Variants in IRS1 observed in about 807,000 individuals in gnomAD.
IRS1 encodes insulin receptor substrate 1.
Under a neutral mutation model 65.6 loss-of-function variants are expected in IRS1, and 34 were observed. The observed-to-expected ratio is 0.52, with a 90% CI of 0.39 to 0.69. The LOEUF (loss-of-function observed/expected upper bound fraction) is 0.69, where lower values mean the gene tolerates loss of function less well. IRS1 is among the 30% of genes least tolerant of loss of function. The pLI is 0.00. For synonymous variants in IRS1, 699 were observed against 683.5 expected (o/e 1.02, Z -0.35); for missense variants, 1,641 against 1,720.2 (o/e 0.95, Z 0.81).
In IRS1 at chr2:226,795,392, G is replaced by C. The variant is rs773839567; in HGVS notation, c.3347C>G (p.Thr1116Arg). The C allele has an allele frequency of 6.2e-7, 1 of 1,613,362 alleles. No individual in the cohort carries two copies. Among genetic ancestry groups the C allele is most frequent in the Non-Finnish European group, 8.5e-7 (1 of 1,179,996 alleles). ...STPSATRVGN[T>R]VPFGAGAAVG... ...TGCTGCCCCCGCTCCAAAGGGCACTGTGTTGCCCACCCGGGTGGCACTGGG... is the reference window on the plus strand; with the variant it reads ...TGCTGCCCCCGCTCCAAAGGGCACTCTGTTGCCCACCCGGGTGGCACTGGG... The change falls in exon 1 of 2, where the codon ACA becomes AGA. Residue 1116 changes from threonine (T) to arginine (R), a missense_variant. By Grantham distance (71) the Thr-to-Arg change is moderately conservative. This residue lies in a region of IRS1 where 1,324 missense variants were observed against 1,361.0 expected (regional missense o/e 0.97). Transcript: ENST00000305123.
intron 1 of IRS1, among the ~76,000 whole-genome samples, chr2:226,751,274 ATT>A (rs35699614): frequency 0.018 from 1,405 of 77,322 alleles, 4 homozygotes; most frequent in African/African-American, 0.032. Flanking sequence ...CCACACGGGT[ATT>A]TTTTTTTTTT....
At position 226,796,385 on chromosome 2, in the gene IRS1, C is replaced by T. The variant is rs768273402; in HGVS notation, c.2354G>A (p.Arg785Gln). The T allele has an allele frequency of 9.3e-6, 15 of 1,613,170 alleles. No homozygotes were observed. In the Admixed American group the frequency reaches 1.0e-4, roughly 11 times the overall value. ...AGTGGAAAGGCGGAGGTGCTGATGC[C>T]GGGCACCCTCCTCCGGCTCCCCGGG... ...QRPGEPEEGA[R>Q]HQHLRLSTSS... is the part of the protein sequence containing the mutation. Residue 785 changes from arginine (R) to glutamine (Q), a missense_variant, in exon 1 of 2, where the codon CGG becomes CAG. Arg to Gln is a conservative substitution (Grantham distance 43). Coordinates refer to ENST00000305123, the MANE Select transcript of IRS1 (RefSeq NM_005544.3).
At position 226,798,373 on chromosome 2, in the gene IRS1, G is replaced by C. The variant is rs566380529; in HGVS notation, c.366C>G (p.Asp122Glu). 6.2e-7 allele frequency: 1 copy of C among 1,613,854 alleles called. No homozygotes were observed. Among genetic ancestry groups the C allele is most frequent in the East Asian group, 2.2e-5 (1 of 44,876 alleles). Residue 122 changes from aspartate (D) to glutamate (E), a missense_variant, in exon 1 of 2, where the codon GAC becomes GAG. This residue lies in a region of IRS1 where 240 missense variants were observed against 229.6 expected (regional missense o/e 1.05). Transcript: ENST00000305123. This position sits in a 1 kb window ranked among gnomAD's most constrained non-coding sequence, Gnocchi z 9.4. ...QLHNRAKGHH[D>E]GAAALGAGGG... is the part of the protein sequence containing the mutation. ...CTCCCGCCCCGAGGGCCGCAGCTCCGTCGTGGTGGCCCTTAGCACGGTTGT... is the reference window on the plus strand; with the variant it reads ...CTCCCGCCCCGAGGGCCGCAGCTCCCTCGTGGTGGCCCTTAGCACGGTTGT...
rs569377676 is a variant in IRS1 at position 226,732,200 on chromosome 2, A to G, written c.*4072T>C. ...GCTCTGTTTACAAGTAGTGGGAGAC[A>G]CACAACAGGCTACATATTCTCTACC... On this transcript the variant is annotated 3_prime_UTR_variant, in exon 2 of 2. Coordinates refer to ENST00000305123, the MANE Select transcript of IRS1 (RefSeq NM_005544.3). 3.3e-5 allele frequency: 5 copies of G among 152,252 alleles called. No individual in the cohort carries two copies. The South Asian group carries it at 1.0e-3, about 32-fold the overall frequency. 9.4% of individuals were successfully genotyped at this position (152,252 alleles called of 1,614,324 possible). A position where few individuals can be genotyped will look rare whatever the true frequency, so the allele number is the denominator to read the frequency against.
chr2:226,762,053 G>T (rs1364291976), intron 1 of IRS1, among the ~76,000 whole-genome samples: 1 of 152,164 alleles, frequency 6.6e-6, no homozygotes, highest in Non-Finnish European at 1.5e-5. Flanking sequence ...CATAGCCCTT[G>T]CTCATTACAG....
intron 1 of IRS1, among the ~76,000 whole-genome samples, chr2:226,744,419 A>G (rs1938497727): frequency 6.6e-6 from 1 of 152,110 alleles, no homozygotes; most frequent in Admixed American, 6.5e-5. Flanking sequence ...GCCACTCCCA[A>G]TAGTTTCTAA....
chr2:226,766,143 A>T (rs1559151951), intron 1 of IRS1, among the ~76,000 whole-genome samples: 11 of 3,656 alleles, frequency 3.0e-3, no homozygotes, highest in Admixed American at 4.8e-3. Flanking sequence ...ATATATATAT[A>T]TATATATATA....
intron 1 of IRS1, among the ~76,000 whole-genome samples, chr2:226,753,027 A>G (rs952209501): frequency 2.6e-5 from 4 of 152,228 alleles, no homozygotes; most frequent in Admixed American, 1.3e-4. Flanking sequence ...CACTCTATCC[A>G]GTAGCAAGAA....
In IRS1 at chr2:226,795,255, C is replaced by G. The variant is rs763355412; in HGVS notation, c.3484G>C (p.Glu1162Gln). 1.2e-5 allele frequency: 19 copies of G among 1,613,932 alleles called. No homozygotes were observed. Among genetic ancestry groups the G allele is most frequent in the Non-Finnish European group, 1.6e-5 (19 of 1,179,984 alleles). The change falls in exon 1 of 2, where the codon GAG becomes CAG. Residue 1162 changes from glutamate (E) to glutamine (Q), a missense_variant. Physicochemically the swap from Glu to Gln is conservative, Grantham distance 29 (BLOSUM62 2). This residue lies in a region of IRS1 where 1,324 missense variants were observed against 1,361.0 expected (regional missense o/e 0.97). Transcript: ENST00000305123. The part of the protein sequence containing the change: ...RPGELGGAPK[E>Q]PAKLCGAAGG... ...GCAGCCCCACACAGTTTGGCTGGCTCCTTGGGGGCTCCCCCAAGCTCCCCA... is the reference window on the plus strand; with the variant it reads ...GCAGCCCCACACAGTTTGGCTGGCTGCTTGGGGGCTCCCCCAAGCTCCCCA...
rs1340250992 is a variant in IRS1, at chr2:226,799,637, C to A, written c.-899G>T. Reference sequence around the variant, plus strand: ...ACGCCTGTTCCTCGGGAGGCGCTGCCGCTGCAGTTACTTCTCCCCTCCTCC... The same window carrying A: ...ACGCCTGTTCCTCGGGAGGCGCTGCAGCTGCAGTTACTTCTCCCCTCCTCC... On this transcript the variant is annotated 5_prime_UTR_variant, in exon 1 of 2. Transcript: ENST00000305123. This position sits in a 1 kb window ranked among gnomAD's most constrained non-coding sequence, Gnocchi z 6.1. 14 of 1,002,654 alleles carry A rather than the reference C, an allele frequency of 1.4e-5. No individual in the cohort carries two copies. The highest frequency in any genetic ancestry group is 1.6e-5 in the Non-Finnish European group (13 of 831,924). 62.1% of individuals were successfully genotyped at this position (1,002,654 alleles called of 1,614,324 possible).
rs985848949 is a variant in IRS1, at chr2:226,735,203, T to C, written c.*1069A>G. The C allele has an allele frequency of 1.3e-5, 2 of 151,582 alleles. No individual in the cohort carries two copies. The highest frequency in any genetic ancestry group is 3.9e-4 in the East Asian group (2 of 5,188). 9.4% of individuals were successfully genotyped at this position (151,582 alleles called of 1,614,324 possible). ...TAGAGCAGGAAACTTACAGAAGTGG[T>C]GGGGGGAGGGGACAGAAGAAAAGAT... On this transcript the variant is annotated 3_prime_UTR_variant, in exon 2 of 2. Transcript: ENST00000305123.
chr2:226,799,231 G>C lies in IRS1; in HGVS notation c.-493C>G. 9.0e-7 allele frequency: 1 copy of C among 1,116,788 alleles called. No individual in the cohort carries two copies. Among genetic ancestry groups the C allele is most frequent in the Non-Finnish European group, 1.1e-6 (1 of 896,812 alleles). The allele number at this position is 1,116,788 out of a possible 1,614,324, so 69.2% of individuals were successfully genotyped here. On this transcript the variant is annotated 5_prime_UTR_variant, in exon 1 of 2. Coordinates refer to ENST00000305123, the MANE Select transcript of IRS1 (RefSeq NM_005544.3). The surrounding 1 kb of genome is among the most constrained non-coding windows in gnomAD (Gnocchi z 6.1). ...AAATATCCTTGGGCAGGGGGAGGCG[G>C]GTTGCCAAGTCCCAACGTTGCACGG...
At chr2:226,789,961 C>T (rs1421120538) in intron 1 of IRS1, among the ~76,000 whole-genome samples, 1 of 152,180 alleles carries the variant, frequency 6.6e-6, no homozygotes, top group Non-Finnish European at 1.5e-5. Flanking sequence ...AGGCCCCAGT[C>T]TGTCCATAAA....
chr2:226,752,212 CAG>C (rs1024666668), intron 1 of IRS1, among the ~76,000 whole-genome samples: 1 of 152,078 alleles, frequency 6.6e-6, no homozygotes, highest in Non-Finnish European at 1.5e-5. Context: ...TTTCTAATAT[CAG>C]GGGGAGCACA....
At chr2:226,738,300 A>T (rs1169512248) in intron 1 of IRS1, among the ~76,000 whole-genome samples, 1 of 152,212 alleles carries the variant, frequency 6.6e-6, no homozygotes, top group African/African-American at 2.4e-5. Context: ...CTTTTGGACC[A>T]ACCTCATATC....
At chr2:226,768,071 G>A (rs773525545) in intron 1 of IRS1, among the ~76,000 whole-genome samples, 12 of 152,092 alleles carry the variant, frequency 7.9e-5, no homozygotes, top group African/African-American at 2.7e-4. Context: ...ACATAGGATC[G>A]TTCCCAGCAT....
rs769796575 is a variant in IRS1, at chr2:226,760,090, C to T, written c.*22-23840G>A. ...ACTTGGGGGGCTGGGGCTGGAGGATCGCTTAAGCCCAGGAGGTTGAGCTGC... is the reference window on the plus strand; with the variant it reads ...ACTTGGGGGGCTGGGGCTGGAGGATTGCTTAAGCCCAGGAGGTTGAGCTGC... On this transcript the variant is annotated intron_variant, in intron 1 of 1. Transcript: ENST00000305123. Among the ~76,000 whole-genome samples, 11 of 152,040 alleles carry T rather than the reference C, an allele frequency of 7.2e-5. No homozygotes were observed. In the East Asian group the frequency reaches 1.9e-3, roughly 27 times the overall value.
chr2:226,750,406 A>C (rs1325262936), intron 1 of IRS1, among the ~76,000 whole-genome samples: 3 of 152,160 alleles, frequency 2.0e-5, no homozygotes, highest in Non-Finnish European at 4.4e-5. Flanking sequence ...AGATCCTAAC[A>C]AAAGAGAGAA....
intron 1 of IRS1, among the ~76,000 whole-genome samples, chr2:226,753,014 A>G (rs972271865): frequency 2.2e-4 from 34 of 152,242 alleles, no homozygotes; most frequent in African/African-American, 7.7e-4. Context: ...AGGACCATCA[A>G]TTCACTCTAT....
Sources: allele counts gnomAD v4.1 joint callset (sites outside exome capture counted in the v4.1 genomes callset), GRCh38; gene constraint gnomAD v4.1.1; regional missense constraint gnomAD v4.1.1; non-coding constraint Gnocchi (gnomAD v3.1); transcripts MANE v1.5; gene names NCBI Gene and HGNC (gene_info 2026-07-23, HGNC 2026-07-21).